The following NKAIN2 variants were observed in gnomAD, a reference collection of about 807,000 sequenced individuals.
NKAIN2 encodes the protein sodium/potassium-transporting ATPase subunit beta-1-interacting protein 2.
A neutral mutation model predicts 32.6 loss-of-function variants in NKAIN2; 14 were observed. That is an observed-to-expected ratio of 0.43 (90% CI 0.28 to 0.67). The LOEUF (loss-of-function observed/expected upper bound fraction) is 0.67, where lower values mean the gene tolerates loss of function less well. Ranked by LOEUF, NKAIN2 falls within the 30% of genes least tolerant of loss-of-function variation. The pLI is 0.17. For synonymous variants in NKAIN2, 80 were observed against 87.2 expected, an observed-to-expected ratio of 0.92 and a Z score of 0.46; for missense variants, 198 against 258.3, an observed-to-expected ratio of 0.77 and a Z score of 1.60.
Position 124,823,379 on chromosome 6 carries a change from GAC to G in NKAIN2, c.*169_*170del, listed in dbSNP as rs3831017. 0.55 allele frequency: 316,622 copies of G among 572,526 alleles called. 67,253 individuals carry two copies. Among genetic ancestry groups the G allele is most frequent in the African/African-American group, 0.63 (33,051 of 52,746 alleles). 35.5% of individuals were successfully genotyped at this position (572,526 alleles called of 1,614,324 possible). On this transcript the variant is annotated 3_prime_UTR_variant, in exon 7 of 7. Transcript: ENST00000368417. Reference sequence around the variant, plus strand: ...ATGCAAAGCCTCTACATACAACACTGACACACACACACACACACACGTGAGCA... The same window carrying G: ...ATGCAAAGCCTCTACATACAACACTGACACACACACACACACACGTGAGCA...
At chr6:124,512,590 G>A (rs1048483374) in intron 3 of NKAIN2, among the ~76,000 whole-genome samples, 1 of 152,146 alleles carries the variant, frequency 6.6e-6, no homozygotes, top group Non-Finnish European at 1.5e-5. Flanking sequence ...CCGACTAACA[G>A]GTGCAGGACT....
At chr6:124,220,537 G>A (rs200073827) in intron 1 of NKAIN2, among the ~76,000 whole-genome samples, 1 of 148,158 alleles carries the variant, frequency 6.7e-6, no homozygotes, top group Non-Finnish European at 1.5e-5. Flanking sequence ...ACATACATAT[G>A]TATATATATA....
chr6:124,020,105 C>G (rs920545149), intron 1 of NKAIN2, among the ~76,000 whole-genome samples: 5 of 152,030 alleles, frequency 3.3e-5, no homozygotes, highest in African/African-American at 1.2e-4. Flanking sequence ...GATATTTGAA[C>G]AGAGAAGGCA....
At chr6:124,009,941 ATG>A (rs561145071) in intron 1 of NKAIN2, among the ~76,000 whole-genome samples, 34 of 151,908 alleles carry the variant, frequency 2.2e-4, no homozygotes, top group African/African-American at 7.3e-4. Context: ...GTATGTATAT[ATG>A]TGTGTGTGTG....
intron 4 of NKAIN2, among the ~76,000 whole-genome samples, chr6:124,761,905 G>A (rs1778282128): frequency 6.6e-6 from 1 of 152,064 alleles, no homozygotes; most frequent in African/African-American, 2.4e-5. Flanking sequence ...TCTCCAAAAT[G>A]TGCAGATGTA....
rs180719248 is a variant in NKAIN2 at position 124,152,624 on chromosome 6, A to G, written c.55-130381A>G. ...ATGGAGGTTCTTCAAAAAACTGGAAATAGAATTACCGTATGATCCACCAAT... is the reference window on the plus strand; with the variant it reads ...ATGGAGGTTCTTCAAAAAACTGGAAGTAGAATTACCGTATGATCCACCAAT... On this transcript the variant is annotated intron_variant, in intron 1 of 6. Transcript: ENST00000368417. Among the ~76,000 whole-genome samples the G allele has an allele frequency of 2.6e-5, 4 of 152,102 alleles. No homozygotes were observed. The East Asian group carries it at 5.8e-4, about 22-fold the overall frequency.
At chr6:124,144,818 T>C (rs905348023) in intron 1 of NKAIN2, among the ~76,000 whole-genome samples, 20 of 152,196 alleles carry the variant, frequency 1.3e-4, no homozygotes, top group African/African-American at 3.9e-4. Flanking sequence ...GCAAAAGTTA[T>C]GTGAAGAAGA....
chr6:124,483,518 C>CT (rs1374988481), intron 3 of NKAIN2, among the ~76,000 whole-genome samples: 1 of 152,026 alleles, frequency 6.6e-6, no homozygotes, highest in Non-Finnish European at 1.5e-5. Context: ...CAAGTTTTGA[C>CT]TTTTTAGTTT....
chr6:124,151,568 G>C (rs1325360400), intron 1 of NKAIN2, among the ~76,000 whole-genome samples: 1 of 151,986 alleles, frequency 6.6e-6, no homozygotes, highest in Non-Finnish European at 1.5e-5. Context: ...AGGTCACAGA[G>C]AGTGCATATT....
chr6:124,465,554 A>G (rs1562202046), intron 3 of NKAIN2, among the ~76,000 whole-genome samples: 1 of 151,762 alleles, frequency 6.6e-6, no homozygotes, highest in Non-Finnish European at 1.5e-5. Context: ...GGGTGCAGCA[A>G]ACCACCATGG....
intron 5 of NKAIN2, among the ~76,000 whole-genome samples, chr6:124,805,889 G>T (rs2114844064): frequency 6.6e-6 from 1 of 152,292 alleles, no homozygotes; most frequent in Non-Finnish European, 1.5e-5. Flanking sequence ...AAGGGTATCA[G>T]CGATGGAAGA....
intron 1 of NKAIN2, among the ~76,000 whole-genome samples, chr6:124,089,831 A>T (rs1384326841): frequency 1.3e-5 from 2 of 151,944 alleles, no homozygotes; most frequent in Non-Finnish European, 2.9e-5. Flanking sequence ...AAATACTCTT[A>T]TCCTCATTTT....
intron 1 of NKAIN2, among the ~76,000 whole-genome samples, chr6:124,122,697 C>T (rs978099041): frequency 6.6e-6 from 1 of 152,098 alleles, no homozygotes; most frequent in Non-Finnish European, 1.5e-5. Context: ...AATTTTAAAT[C>T]ATTGTCACAA....
At chr6:124,010,587 G>A (rs1780277925) in intron 1 of NKAIN2, among the ~76,000 whole-genome samples, 1 of 150,536 alleles carries the variant, frequency 6.6e-6, no homozygotes, top group South Asian at 2.1e-4. Context: ...TCAAACACTG[G>A]CTTATCAGCT....
In NKAIN2 at chr6:123,808,798, T is replaced by A. The variant is rs142468444; in HGVS notation, c.54+4544T>A. Among the ~76,000 whole-genome samples, 11 of 152,340 alleles carry A rather than the reference T, an allele frequency of 7.2e-5. No individual in the cohort carries two copies. In the East Asian group the frequency reaches 2.1e-3, roughly 29 times the overall value. On this transcript the variant is annotated intron_variant, in intron 1 of 6. Coordinates refer to ENST00000368417, the MANE Select transcript of NKAIN2 (RefSeq NM_001040214.3). ...ACCTCCTTTCCCTCTGATGCTGCTT[T>A]ACTTTGAGGTCAGATTCTCTACTTG...
chr6:124,734,336 A>G (rs1016831115), intron 4 of NKAIN2, among the ~76,000 whole-genome samples: 5 of 151,910 alleles, frequency 3.3e-5, no homozygotes, highest in Admixed American at 1.3e-4. Context: ...TCATGGCCTC[A>G]GGACTGGGAT....
In NKAIN2 at chr6:124,065,342, C is replaced by T. The variant is rs571220703; in HGVS notation, c.55-217663C>T. On this transcript the variant is annotated intron_variant, in intron 1 of 6. Coordinates refer to ENST00000368417, the MANE Select transcript of NKAIN2 (RefSeq NM_001040214.3). ...TGTGACATGCACGCACTGCAGTTCC[C>T]GCTTACCCAGGCCTATGAAATGCTA... is the stretch of plus-strand genomic sequence containing the variant. Among the ~76,000 whole-genome samples, 38 of 152,146 alleles carry T rather than the reference C, an allele frequency of 2.5e-4. 1 individual carries two copies. Among genetic ancestry groups the T allele is most frequent in the African/African-American group, 8.2e-4 (34 of 41,530 alleles).
chr6:124,228,911 T>C (rs1792271328), intron 1 of NKAIN2, among the ~76,000 whole-genome samples: 1 of 152,204 alleles, frequency 6.6e-6, no homozygotes, highest in Non-Finnish European at 1.5e-5. Flanking sequence ...ATTGCATTCA[T>C]TCTATCATGG....
rs557195504 is a variant in NKAIN2 at position 124,808,502 on chromosome 6, C to G, written c.536-9885C>G. Among the ~76,000 whole-genome samples, 5 of 152,252 alleles carry G rather than the reference C, an allele frequency of 3.3e-5. No individual in the cohort carries two copies. In the South Asian group the frequency reaches 1.0e-3, roughly 32 times the overall value. On this transcript the variant is annotated intron_variant, in intron 5 of 6. Transcript: ENST00000368417. ...CGTATCTCAAAATAATAGGAGCTAT[C>G]TATGACAAACCCACAGCCAATATCA...
Sources: gnomAD v4.1 joint callset for allele counts (sites outside exome capture counted in the v4.1 genomes callset) on GRCh38, gnomAD v4.1.1 for gene constraint, MANE v1.5 for transcripts, NCBI Gene and HGNC (gene_info 2026-07-23, HGNC 2026-07-21) for gene names.